GAB4: variants seen among roughly 807,000 people sequenced by gnomAD.
GAB4 encodes GRB2-associated-binding protein 4.
In GAB4, 26 loss-of-function variants were observed where a neutral mutation model predicts 51.3. That is an observed-to-expected ratio of 0.51 (90% CI 0.37 to 0.70). The LOEUF (loss-of-function observed/expected upper bound fraction) is 0.70, where lower values mean the gene tolerates loss of function less well. GAB4 is among the 30% of genes least tolerant of loss of function. GAB4 has a pLI of 0.00. For synonymous variants in GAB4, 329 were observed against 291.2 expected, an observed-to-expected ratio of 1.13 and a Z score of -1.32; for missense variants, 759 against 734.6, an observed-to-expected ratio of 1.03 and a Z score of -0.38.
Position 16,964,805 on chromosome 22 carries a change from G to GT in GAB4, c.1436dup (p.Asn479LysfsTer37), listed in dbSNP as rs761806796. On this transcript the variant is annotated frameshift_variant, in exon 8 of 10. Coordinates refer to ENST00000400588, the MANE Select transcript of GAB4 (RefSeq NM_001037814.1). LOFTEE classifies it high-confidence loss of function. Reference sequence around the variant, plus strand: ...TCTCTCCACTGTCTTCTGAGTCTGTGTTGGTGATGCTCTGCGTGGAGATGG... The same window carrying GT: ...TCTCTCCACTGTCTTCTGAGTCTGTGTTTGGTGATGCTCTGCGTGGAGATGG... The GT allele has an allele frequency of 6.2e-5, 100 of 1,614,024 alleles. 1 individual carries two copies. The Middle Eastern group carries it at 4.3e-3, about 69-fold the overall frequency.
intron 1 of GAB4, among the ~76,000 whole-genome samples, chr22:16,997,519 C>A (rs2060959508): frequency 1.3e-5 from 2 of 152,194 alleles, no homozygotes; most frequent in East Asian, 1.9e-4. Flanking sequence ...TGTTTAAGTT[C>A]TTTGTAGATT....
At chr22:16,969,700 C>A in intron 4 of GAB4, 1 of 656,050 alleles carries the variant, frequency 1.5e-6, no homozygotes. Context: ...CTTTCACTGA[C>A]TAAAGGTCTC....
chr22:16,984,775 G>T (rs191679986), intron 3 of GAB4, among the ~76,000 whole-genome samples: 1 of 152,212 alleles, frequency 6.6e-6, no homozygotes, highest in Non-Finnish European at 1.5e-5. Context: ...GTGAGCATAA[G>T]ACTTGGGTGG....
intron 4 of GAB4, chr22:16,969,697 T>C (rs1170821388): frequency 3.1e-6 from 2 of 650,316 alleles, no homozygotes; most frequent in East Asian, 2.5e-5. Context: ...CTACTTTCAC[T>C]GACTAAAGGT....
intron 3 of GAB4, among the ~76,000 whole-genome samples, chr22:16,972,819 T>A (rs2060743407): frequency 1.3e-5 from 2 of 152,116 alleles, no homozygotes; most frequent in Admixed American, 1.3e-4. Context: ...GCTCTCTCCA[T>A]CCTGCTATTA....
intron 1 of GAB4, among the ~76,000 whole-genome samples, chr22:17,001,037 G>T (rs2060993443): frequency 6.6e-6 from 1 of 152,118 alleles, no homozygotes; most frequent in Admixed American, 6.6e-5. Flanking sequence ...TCCCTTTGTG[G>T]GTAATCTGAC....
chr22:16,967,784 G>A (rs1423536032), intron 5 of GAB4, among the ~76,000 whole-genome samples: 1 of 152,206 alleles, frequency 6.6e-6, no homozygotes, highest in African/African-American at 2.4e-5. Context: ...TTGGAGAACT[G>A]TGGTTACCCT....
rs1180729435 is a variant in GAB4 at position 16,995,941 on chromosome 22, T to A, written c.175-3765A>T. 2.0e-5 allele frequency among the ~76,000 whole-genome samples: 3 copies of A among 151,620 alleles called. No individual in the cohort carries two copies. In the South Asian group the frequency reaches 6.3e-4, roughly 32 times the overall value. On this transcript the variant is annotated intron_variant, in intron 1 of 9. Transcript: ENST00000400588. The stretch of plus-strand genomic sequence containing the variant: ...ACTCCTTGCCAGCAAGAGAACAAAA[T>A]TGGATGGAGAATGAGTTTGACAAAC...
chr22:16,963,920 C>T, intron 8 of GAB4, 91 bp from the exon 9 acceptor site: 2 of 938,412 alleles, frequency 2.1e-6, no homozygotes, highest in Non-Finnish European at 3.4e-6. Context: ...GCTACGAGCC[C>T]ACTGGGTCCT....
chr22:16,965,078 A>T, intron 7 of GAB4, 100 bp downstream of exon 7: 1 of 902,360 alleles, frequency 1.1e-6, no homozygotes, highest in Non-Finnish European at 1.7e-6. Context: ...GTCCACATCG[A>T]CATGAGCATC....
At chr22:16,988,309 C>T (rs931547420) in intron 2 of GAB4, 142 bp from the exon 3 acceptor site, 10 of 671,016 alleles carry the variant, frequency 1.5e-5, no homozygotes, top group Non-Finnish European at 2.4e-5. Flanking sequence ...CAGAGGAGGG[C>T]TGGGGCCTCC....
intron 1 of GAB4, among the ~76,000 whole-genome samples, chr22:17,007,169 C>G (rs1044672266): frequency 5.9e-5 from 9 of 152,196 alleles, no homozygotes; most frequent in African/African-American, 2.2e-4. Flanking sequence ...AGAAAAGCCT[C>G]TTCTATGTAC....
At chr22:16,974,700 C>T (rs73145695) in intron 3 of GAB4, among the ~76,000 whole-genome samples, 3,364 of 152,326 alleles carry the variant, frequency 0.022, 58 homozygotes, top group Middle Eastern at 0.068. Flanking sequence ...ACTTTAAAAA[C>T]CTAAATGATG....
chr22:16,964,599 G>T (rs183636054), intron 8 of GAB4, among the ~76,000 whole-genome samples, 167 bp downstream of exon 8: 18 of 152,274 alleles, frequency 1.2e-4, no homozygotes, highest in Admixed American at 9.8e-4. Flanking sequence ...TAACCCTAAT[G>T]ATTGCCTGAT....
chr22:17,003,381 T>C (rs1285805570), intron 1 of GAB4, among the ~76,000 whole-genome samples: 1 of 152,218 alleles, frequency 6.6e-6, no homozygotes, highest in African/African-American at 2.4e-5. Context: ...ATATACATTC[T>C]TCTGAGCACC....
chr22:16,966,422 G>A lies in GAB4; in HGVS notation c.1024-58C>T, dbSNP rs2060675838. 7 of 1,540,242 alleles carry A rather than the reference G, an allele frequency of 4.5e-6. No individual in the cohort carries two copies. In the South Asian group the frequency reaches 7.1e-5, roughly 16 times the overall value. On this transcript the variant is annotated intron_variant, in intron 5 of 9. Coordinates refer to ENST00000400588, the MANE Select transcript of GAB4 (RefSeq NM_001037814.1). ...TCACCAGCAAGAACAAGATAGGAAT[G>A]AGAATTTCTAGACAAGGCCAAAAAG...
intron 1 of GAB4, among the ~76,000 whole-genome samples, chr22:16,995,198 G>A (rs989279930): frequency 1.3e-4 from 20 of 152,272 alleles, no homozygotes; most frequent in African/African-American, 4.8e-4. Context: ...TGAGGGTAGA[G>A]GAGAGGGAAC....
At chr22:16,970,268 T>C in intron 3 of GAB4, 75 bp from the exon 4 acceptor site, 1 of 1,525,490 alleles carries the variant, frequency 6.6e-7, no homozygotes, top group Non-Finnish European at 9.0e-7. Flanking sequence ...GGCGGGGAAG[T>C]TCACAGCCCA....
At chr22:16,988,816 T>C (rs763141981) in intron 2 of GAB4, among the ~76,000 whole-genome samples, 2 of 152,208 alleles carry the variant, frequency 1.3e-5, no homozygotes, top group Non-Finnish European at 2.9e-5. Flanking sequence ...GACCAAGGTA[T>C]ATGGCAGCAT....
Sources: allele counts gnomAD v4.1 joint callset (sites outside exome capture counted in the v4.1 genomes callset), GRCh38; gene constraint gnomAD v4.1.1; transcripts MANE v1.5; gene names NCBI Gene and HGNC (gene_info 2026-07-23, HGNC 2026-07-21).